The following NCAM2 variants were observed in gnomAD, a reference collection of about 807,000 sequenced individuals.
NCAM2 encodes the protein N-CAM-2.
Under a neutral mutation model 98.1 loss-of-function variants are expected in NCAM2, and 30 were observed. That is an observed-to-expected ratio of 0.31 (90% CI 0.23 to 0.41). NCAM2 has a LOEUF of 0.41. NCAM2 is among the 10% of genes least tolerant of loss of function. The pLI, the probability that NCAM2 is intolerant of heterozygous loss-of-function variation, is 1.00. For missense variants in NCAM2, 867 were observed against 1,005.8 expected (o/e 0.86, Z 1.87); for synonymous variants, 368 against 342.4 (o/e 1.07, Z -0.83).
chr21:21,450,801 C>T (rs1164220639), intron 12 of NCAM2, among the ~76,000 whole-genome samples: 71 of 102,238 alleles, frequency 6.9e-4, no homozygotes, highest in Middle Eastern at 0.01. Flanking sequence ...TATACACACA[C>T]ACACACACAC....
Position 21,480,882 on chromosome 21 carries a change from A to G in NCAM2, c.2077+3411A>G, listed in dbSNP as rs963503467. Among the ~76,000 whole-genome samples the G allele has an allele frequency of 2.6e-5, 4 of 152,340 alleles. No homozygotes were observed. The South Asian group carries it at 6.2e-4, about 24-fold the overall frequency. On this transcript the variant is annotated intron_variant, in intron 15 of 17. Transcript: ENST00000400546. ...GGGCAACTAGAACATTGCTGATGTC[A>G]TTTCTCAAGGTGAAGAATTTTGTAG...
chr21:21,235,940 C>G (rs942597867), intron 1 of NCAM2, among the ~76,000 whole-genome samples: 3 of 152,006 alleles, frequency 2.0e-5, no homozygotes, highest in African/African-American at 7.2e-5. Context: ...CATTTCATAA[C>G]CAATTATTTC....
chr21:21,343,393 AC>A (rs997695040), intron 8 of NCAM2, among the ~76,000 whole-genome samples: 6 of 151,408 alleles, frequency 4.0e-5, no homozygotes, highest in African/African-American at 1.5e-4. Flanking sequence ...ACACACACAC[AC>A]AATCTTCATG....
chr21:21,062,144 A>G (rs1281648866), intron 1 of NCAM2, among the ~76,000 whole-genome samples: 1 of 152,176 alleles, frequency 6.6e-6, no homozygotes, highest in Non-Finnish European at 1.5e-5. Context: ...TAAGTGAGTA[A>G]AATATCTTGA....
At chr21:21,437,474 C>CTGTGTGTGTGTGTGTGTGTGTGTGTGTG (rs3990174) in intron 12 of NCAM2, among the ~76,000 whole-genome samples, 13 of 144,428 alleles carry the variant, frequency 9.0e-5, no homozygotes, top group African/African-American at 2.6e-4. Flanking sequence ...CACCAAGATT[C>CTGTGTGTGTGTGTGTGTGTGTGTGTGTG]TGTGTGTGTG....
chr21:21,137,146 C>T (rs1243868223), intron 1 of NCAM2, among the ~76,000 whole-genome samples: 1 of 151,858 alleles, frequency 6.6e-6, no homozygotes, highest in Non-Finnish European at 1.5e-5. Flanking sequence ...CGCCCAGCCA[C>T]AATTAATAAA....
chr21:21,266,606 CA>C (rs1182828433), intron 1 of NCAM2, among the ~76,000 whole-genome samples: 3 of 151,780 alleles, frequency 2.0e-5, no homozygotes, highest in Non-Finnish European at 4.4e-5. Context: ...TCATTCTCAG[CA>C]AACTATCACA....
chr21:21,429,990 G>T (rs1342318359), intron 11 of NCAM2, among the ~76,000 whole-genome samples: 3 of 151,950 alleles, frequency 2.0e-5, no homozygotes, highest in Non-Finnish European at 4.4e-5. Context: ...AGCAAAAAGA[G>T]TACATTTGAC....
intron 9 of NCAM2, among the ~76,000 whole-genome samples, chr21:21,381,216 A>C (rs1484700717): frequency 6.6e-6 from 1 of 152,112 alleles, no homozygotes; most frequent in Non-Finnish European, 1.5e-5. Context: ...TTCTCTTGTA[A>C]ACCATGAAAA....
At chr21:21,037,015 C>G (rs1208327276) in intron 1 of NCAM2, among the ~76,000 whole-genome samples, 1 of 152,130 alleles carries the variant, frequency 6.6e-6, no homozygotes, top group Non-Finnish European at 1.5e-5. Context: ...CAATAGATGT[C>G]AAGTACCTAT....
At position 21,540,455 on chromosome 21, in the gene NCAM2, A is replaced by T. The variant is rs1990188741; in HGVS notation, c.*2498A>T. On this transcript the variant is annotated 3_prime_UTR_variant, in exon 18 of 18. Coordinates refer to ENST00000400546, the MANE Select transcript of NCAM2 (RefSeq NM_004540.5). ...GTCCTTGAAATCCATGCCATGCTGAAGCAAGGCAATACTGTGATAAAGTAT... is the reference window on the plus strand; with the variant it reads ...GTCCTTGAAATCCATGCCATGCTGATGCAAGGCAATACTGTGATAAAGTAT... 1 of 152,010 alleles carries T rather than the reference A, an allele frequency of 6.6e-6. No individual in the cohort carries two copies. Among genetic ancestry groups the T allele is most frequent in the Non-Finnish European group, 1.5e-5 (1 of 67,938 alleles). 9.4% of individuals were successfully genotyped at this position (152,010 alleles called of 1,614,324 possible).
At chr21:21,438,603 CAT>C (rs757895011) in intron 12 of NCAM2, among the ~76,000 whole-genome samples, 2 of 152,138 alleles carry the variant, frequency 1.3e-5, no homozygotes, top group African/African-American at 4.8e-5. Flanking sequence ...GAGTGAGAAA[CAT>C]GTATCACAGC....
At chr21:21,479,608 A>AAAAAAAAATT (rs1491473437) in intron 15 of NCAM2, among the ~76,000 whole-genome samples, 6 of 127,916 alleles carry the variant, frequency 4.7e-5, no homozygotes, top group Non-Finnish European at 7.0e-5. Context: ...AAAAAAAAAA[A>AAAAAAAAATT]TTGTTGATGA....
chr21:21,515,048 G>A (rs1988631944), intron 16 of NCAM2, among the ~76,000 whole-genome samples: 1 of 152,112 alleles, frequency 6.6e-6, no homozygotes. Context: ...TTTTAAAAAT[G>A]TTACAATTTG....
At chr21:21,455,273 A>G (rs543719826) in intron 12 of NCAM2, among the ~76,000 whole-genome samples, 102 of 151,206 alleles carry the variant, frequency 6.7e-4, no homozygotes, top group Admixed American at 1.1e-3. Flanking sequence ...CAGCCAGGAT[A>G]TCCCAGATCA....
chr21:21,004,954 G>T (rs1190059282), intron 1 of NCAM2, among the ~76,000 whole-genome samples: 9 of 152,104 alleles, frequency 5.9e-5, no homozygotes, highest in Admixed American at 5.9e-4. Context: ...AAATGGAGAA[G>T]ATTATTAATA....
chr21:21,457,017 T>G (rs915342662), intron 12 of NCAM2, among the ~76,000 whole-genome samples: 4 of 152,148 alleles, frequency 2.6e-5, no homozygotes, highest in African/African-American at 4.8e-5. Flanking sequence ...AAGCCAGAAA[T>G]GGGCACCAAA....
intron 1 of NCAM2, among the ~76,000 whole-genome samples, chr21:21,015,602 A>AG (rs1488335063): frequency 1.3e-5 from 2 of 152,214 alleles, no homozygotes; most frequent in Admixed American, 6.5e-5. Flanking sequence ...ACCAAAAAAA[A>AG]TTGTGTTACT....
chr21:21,517,516 AC>A (rs1424846625), intron 16 of NCAM2, among the ~76,000 whole-genome samples: 2 of 152,128 alleles, frequency 1.3e-5, no homozygotes, highest in Admixed American at 6.6e-5. Context: ...TGTTTTCAAA[AC>A]CTAACTCAAA....
Sources: allele counts gnomAD v4.1 joint callset (sites outside exome capture counted in the v4.1 genomes callset), GRCh38; gene constraint gnomAD v4.1.1; transcripts MANE v1.5; gene names NCBI Gene and HGNC (gene_info 2026-07-23, HGNC 2026-07-21).